DGKB: variants seen among roughly 807,000 people sequenced by gnomAD.
The protein encoded by DGKB is diacylglycerol kinase beta, also known as 90 kDa diacylglycerol kinase.
In DGKB, 67 loss-of-function variants were observed where a neutral mutation model predicts 114.3. The ratio of observed to expected loss-of-function variants is 0.59; its 90% CI spans 0.48 to 0.72. The LOEUF (loss-of-function observed/expected upper bound fraction) is 0.72. Among genes scored for constraint, DGKB ranks in the 30% least tolerant of loss-of-function variants. DGKB has a pLI of 0.00. For synonymous variants in DGKB, 398 were observed against 323.1 expected (o/e 1.23, Z -2.49); for missense variants, 907 against 975.2 (o/e 0.93, Z 0.93).
intron 2 of DGKB, 46 bp downstream of exon 2, chr7:14,841,148 T>C: frequency 2.7e-6 from 4 of 1,483,322 alleles, no homozygotes; most frequent in South Asian, 2.4e-5. Flanking sequence ...ATACTTTGTC[T>C]AGCACAAATG....
intron 1 of DGKB, among the ~76,000 whole-genome samples, chr7:14,945,077 G>A (rs1218313844): frequency 6.6e-6 from 1 of 151,674 alleles, no homozygotes; most frequent in Non-Finnish European, 1.5e-5. Flanking sequence ...TAACATGAAA[G>A]TGGGAATAAC....
intron 21 of DGKB, among the ~76,000 whole-genome samples, chr7:14,430,983 C>G (rs79681336): frequency 2.0e-5 from 3 of 152,140 alleles, no homozygotes; most frequent in Non-Finnish European, 2.9e-5. Flanking sequence ...GAATTTCCCT[C>G]TGAAGTATCA....
At chr7:14,452,767 ATT>A (rs776767961) in intron 21 of DGKB, among the ~76,000 whole-genome samples, 34 of 152,242 alleles carry the variant, frequency 2.2e-4, no homozygotes, top group Non-Finnish European at 4.1e-4. Context: ...TGAGAAATGC[ATT>A]GTTTGGAAAT....
chr7:14,320,347 T>C (rs1336025921), intron 23 of DGKB, among the ~76,000 whole-genome samples: 1 of 152,178 alleles, frequency 6.6e-6, no homozygotes, highest in Non-Finnish European at 1.5e-5. Context: ...TCACTTGCTA[T>C]GGTCAGATGA....
At chr7:14,552,456 C>T (rs1795233364) in intron 20 of DGKB, among the ~76,000 whole-genome samples, 1 of 152,116 alleles carries the variant, frequency 6.6e-6, no homozygotes, top group Non-Finnish European at 1.5e-5. Flanking sequence ...CAGTAAGTGA[C>T]CCATAAAGAG....
intron 23 of DGKB, among the ~76,000 whole-genome samples, chr7:14,232,835 A>G (rs73679696): frequency 0.014 from 2,160 of 152,056 alleles, 63 homozygotes; most frequent in African/African-American, 0.049. Flanking sequence ...TAAAGTAGCA[A>G]CTCCCAGAAT....
chr7:14,925,064 T>C (rs1440549378), intron 1 of DGKB, among the ~76,000 whole-genome samples: 4 of 152,218 alleles, frequency 2.6e-5, no homozygotes, highest in African/African-American at 7.2e-5. Context: ...CTCACTACAA[T>C]TCTCTATAGA....
chr7:14,698,173 G>C lies in DGKB; in HGVS notation c.517-4C>G. The stretch of plus-strand genomic sequence containing the variant: ...GACTGATGATATTTTCTAGCTCCTG[G>C]AAGAGAAAGAGAGATAAAAAATATG... On this transcript the variant is annotated splice_polypyrimidine_tract_variant and splice_region_variant and intron_variant, in intron 7 of 25. Transcript: ENST00000402815. 6.7e-7 allele frequency: 1 copy of C among 1,500,486 alleles called. No individual in the cohort carries two copies. Among genetic ancestry groups the C allele is most frequent in the Non-Finnish European group, 8.9e-7 (1 of 1,118,780 alleles). The allele number at this position is 1,500,486 out of a possible 1,614,324, so 92.9% of individuals were successfully genotyped here.
intron 12 of DGKB, among the ~76,000 whole-genome samples, chr7:14,682,293 C>T (rs1309872093): frequency 6.6e-6 from 1 of 152,058 alleles, no homozygotes; most frequent in East Asian, 1.9e-4. Context: ...GAACCTCTAA[C>T]ACTCCATGGA....
At chr7:14,753,875 T>C (rs1834469708) in intron 4 of DGKB, 53 bp downstream of exon 4, 1 of 1,076,410 alleles carries the variant, frequency 9.3e-7, no homozygotes, top group South Asian at 1.4e-5. Context: ...TCATAGATCA[T>C]ATCAGAATAA....
rs1563865137 is a variant in DGKB, at chr7:14,672,967, G to A, written c.1096C>T (p.His366Tyr). The change falls in exon 13 of 26, where the codon CAT (histidine) becomes TAT (tyrosine). Residue 366 changes from histidine (H) to tyrosine (Y), a missense_variant. By Grantham distance (83) the His-to-Tyr change is moderately conservative (BLOSUM62 2). Transcript: ENST00000402815. ...PECDCGPLKD[H>Y]ILPPTTICPV... ...CAGATTGTTGTGGGTGGTAAAATAT[G>A]GTCCTTCAAAGGTCCACAGTCACAT... is the stretch of plus-strand genomic sequence containing the variant. 1 of 1,578,046 alleles carries A rather than the reference G, an allele frequency of 6.3e-7. No individual in the cohort carries two copies. The highest frequency in any genetic ancestry group is 8.6e-7 in the Non-Finnish European group (1 of 1,160,182).
chr7:14,331,724 C>T (rs750954508), intron 23 of DGKB, among the ~76,000 whole-genome samples: 45 of 152,132 alleles, frequency 3.0e-4, no homozygotes, highest in Non-Finnish European at 5.4e-4. Flanking sequence ...TCATATTTAT[C>T]TTCAGAGGCA....
intron 23 of DGKB, among the ~76,000 whole-genome samples, chr7:14,304,998 A>G (rs2128494497): frequency 6.6e-6 from 1 of 152,264 alleles, no homozygotes; most frequent in Admixed American, 6.5e-5. Context: ...CACCATTTAA[A>G]AAATTAATAA....
At chr7:14,523,130 G>T (rs1043353545) in intron 20 of DGKB, among the ~76,000 whole-genome samples, 2 of 152,154 alleles carry the variant, frequency 1.3e-5, no homozygotes, top group Admixed American at 6.5e-5. Flanking sequence ...TTAAATGGAT[G>T]TTAGATATAT....
intron 25 of DGKB, among the ~76,000 whole-genome samples, chr7:14,170,132 C>A (rs993089094): frequency 1.9e-5 from 1 of 52,674 alleles, no homozygotes; most frequent in Non-Finnish European, 4.2e-5. Context: ...GAAACTCCAT[C>A]TCAAAAAAAA....
intron 21 of DGKB, among the ~76,000 whole-genome samples, chr7:14,373,346 A>C (rs1200455808): frequency 6.6e-6 from 1 of 152,218 alleles, no homozygotes; most frequent in East Asian, 1.9e-4. Context: ...ATTATTCTTC[A>C]GAAAGGAACC....
At chr7:14,254,312 G>T (rs1172397102) in intron 23 of DGKB, among the ~76,000 whole-genome samples, 1 of 152,110 alleles carries the variant, frequency 6.6e-6, no homozygotes, top group East Asian at 1.9e-4. Flanking sequence ...TCAGCCATTT[G>T]TTGAGGGTGC....
chr7:14,392,983 T>G (rs1372563441), intron 21 of DGKB, among the ~76,000 whole-genome samples: 1 of 88,880 alleles, frequency 1.1e-5, no homozygotes, highest in Non-Finnish European at 2.2e-5. Context: ...AACAGACCTG[T>G]TTTTTGTTTT....
At chr7:14,345,146 C>T (rs1280568601) in intron 22 of DGKB, among the ~76,000 whole-genome samples, 155 bp downstream of exon 22, 1 of 151,360 alleles carries the variant, frequency 6.6e-6, no homozygotes, top group Admixed American at 6.6e-5. Flanking sequence ...GTGCTGTATT[C>T]CAAATGAGTG....
Sources: gnomAD v4.1 joint callset for allele counts (sites outside exome capture counted in the v4.1 genomes callset) on GRCh38, gnomAD v4.1.1 for gene constraint, MANE v1.5 for transcripts, NCBI Gene and HGNC (gene_info 2026-07-23, HGNC 2026-07-21) for gene names.